The following ZNF91 variants were observed in gnomAD, a reference collection of about 807,000 sequenced individuals.
ZNF91 encodes the protein zinc finger protein 91, also known as zinc finger protein 91 (HPF7, HTF10).
A neutral mutation model predicts 12.6 loss-of-function variants in ZNF91; 7 were observed. That is an observed-to-expected ratio of 0.55 (90% confidence interval 0.31 to 1.04). The LOEUF is 1.04. Ranked by LOEUF, ZNF91 falls within the 50% of genes least tolerant of loss-of-function variation. ZNF91 has a pLI of 0.05. For synonymous variants in ZNF91, 453 were observed against 462.6 expected (o/e 0.98, Z 0.27); for missense variants, 1,217 against 1,385.4 (o/e 0.88, Z 1.93).
chr19:23,345,814 C>T (rs1439410437), intron 3 of ZNF91, among the ~76,000 whole-genome samples: 1 of 152,068 alleles, frequency 6.6e-6, no homozygotes, highest in Admixed American at 6.6e-5. Context: ...TCGTCCCCTC[C>T]TCAGGACAAT....
intron 1 of ZNF91, chr19:23,385,277 C>T (rs377312733): frequency 1.2e-5 from 6 of 490,464 alleles, no homozygotes; most frequent in South Asian, 4.1e-5. Context: ...CTGAATGTCA[C>T]GGAAAAAAAT....
downstream of ZNF91, among the ~76,000 whole-genome samples, chr19:23,336,465 T>C (rs990423357): frequency 6.6e-6 from 1 of 152,224 alleles, no homozygotes; most frequent in Non-Finnish European, 1.5e-5. Flanking sequence ...TCTTCAATTA[T>C]GCAAATGGAG....
intron 3 of ZNF91, among the ~76,000 whole-genome samples, chr19:23,352,523 A>G (rs1490834909): frequency 1.3e-5 from 2 of 152,176 alleles, no homozygotes; most frequent in Non-Finnish European, 2.9e-5. Context: ...TCTTGGAGAC[A>G]GAGCAAGACT....
chr19:23,389,420 A>C (rs1490187244), intron 1 of ZNF91, among the ~76,000 whole-genome samples: 1 of 148,692 alleles, frequency 6.7e-6, no homozygotes, highest in Non-Finnish European at 1.5e-5. Flanking sequence ...AAAAAAAAAC[A>C]CTAGGATCAA....
At chr19:23,366,054 T>A (rs1366915618) in intron 3 of ZNF91, among the ~76,000 whole-genome samples, 3 of 152,248 alleles carry the variant, frequency 2.0e-5, no homozygotes, top group Non-Finnish European at 4.4e-5. Flanking sequence ...ACCACTGTCA[T>A]CATGGCCCGT....
At chr19:23,356,516 A>T (rs975467153), downstream of ZNF91, among the ~76,000 whole-genome samples, 13 of 152,176 alleles carry the variant, frequency 8.5e-5, no homozygotes, top group African/African-American at 3.1e-4. Context: ...GTTCTCACTG[A>T]TATGTGGGAG....
At chr19:23,395,243 C>T (rs1568408824) in intron 1 of ZNF91, 82 bp downstream of exon 1, 3 of 1,545,692 alleles carry the variant, frequency 1.9e-6, no homozygotes, top group Middle Eastern at 1.7e-4. Flanking sequence ...TGAAGGAAGG[C>T]CTGAGGCTCG....
In ZNF91 at chr19:23,387,995, C is replaced by T. The variant is rs981222740; in HGVS notation, c.30+7330G>A. ...GCACAGTGGCTCATGCCTGTAATCC[C>T]AGCACTTTGGGAGGCAGAGGTGGGC... is the stretch of plus-strand genomic sequence containing the variant. On this transcript the variant is annotated intron_variant, in intron 1 of 3. Transcript: ENST00000300619. 2.0e-5 allele frequency among the ~76,000 whole-genome samples: 3 copies of T among 150,082 alleles called. No individual in the cohort carries two copies. The Admixed American group carries it at 2.0e-4, about 10-fold the overall frequency.
chr19:23,361,899 G>A lies in ZNF91; in HGVS notation c.1080C>T (p.Ser360=). ...TATGATTAGCAAGGGTTGAGGAATT[G>A]CTAAAAGCTTTGCCACATTCTTTAC... is the stretch of plus-strand genomic sequence containing the variant. The part of the protein sequence containing the change: ...YKCKECGKAF[S]NSSTLANHKI... Residue 360 remains serine (S), a synonymous_variant, in exon 4 of 4, where the codon AGC becomes AGT. Coordinates refer to ENST00000300619, the MANE Select transcript of ZNF91 (RefSeq NM_003430.4). The A allele has an allele frequency of 6.3e-7, 1 of 1,595,198 alleles. No individual in the cohort carries two copies. Among genetic ancestry groups the A allele is most frequent in the Non-Finnish European group, 8.5e-7 (1 of 1,169,624 alleles).
rs901346882 is a variant in ZNF91 at position 23,359,578 on chromosome 19, T to G, written c.3401A>C (p.Tyr1134Ser). ...GGCTTTGCCACATTTTTCACATTTGTAGGGTTTCTCTCCAGTGTGAATTAT... is the reference window on the plus strand; with the variant it reads ...GGCTTTGCCACATTTTTCACATTTGGAGGGTTTCTCTCCAGTGTGAATTAT... ...HKIIHTGEKPYKCEKCGKAFN... is the reference protein window; with the variant it reads ...HKIIHTGEKPSKCEKCGKAFN... The change falls in exon 4 of 4, where the codon TAC becomes TCC. Residue 1134 changes from tyrosine (Y) to serine (S), a missense_variant. Around this residue, in one of 2 missense-constraint regions of ZNF91, gnomAD observed 491 missense variants for 489.8 expected, o/e 1.00. Transcript: ENST00000300619. 1 of 1,613,948 alleles carries G rather than the reference T, an allele frequency of 6.2e-7. No individual in the cohort carries two copies. Among genetic ancestry groups the G allele is most frequent in the African/African-American group, 1.3e-5 (1 of 74,912 alleles).
upstream of ZNF91, among the ~76,000 whole-genome samples, chr19:23,313,133 T>C (rs1967498301): frequency 6.6e-6 from 1 of 152,222 alleles, no homozygotes; most frequent in African/African-American, 2.4e-5. Context: ...ACTCACATAC[T>C]TAGAAACAGG....
At chr19:23,336,723 G>A (rs566141300), downstream of ZNF91, among the ~76,000 whole-genome samples, 2 of 152,186 alleles carry the variant, frequency 1.3e-5, no homozygotes, top group South Asian at 2.1e-4. Context: ...CTTTACCAAG[G>A]ACTGTTTTTG....
intron 3 of ZNF91, among the ~76,000 whole-genome samples, chr19:23,305,524 TTCAA>T (rs1330681564): frequency 6.6e-6 from 1 of 152,218 alleles, no homozygotes; most frequent in Non-Finnish European, 1.5e-5. Context: ...CACTTTTGAT[TTCAA>T]TCAGTCAATT....
At chr19:23,326,525 C>T (rs1967841130) in intron 1 of ZNF91, 1 of 152,140 alleles carries the variant, frequency 6.6e-6, no homozygotes, top group Non-Finnish European at 1.5e-5. Flanking sequence ...ACAGGTTTCA[C>T]CACATTGGTC....
downstream of ZNF91, among the ~76,000 whole-genome samples, chr19:23,357,525 C>G (rs992779903): frequency 1.3e-5 from 2 of 152,184 alleles, no homozygotes; most frequent in African/African-American, 4.8e-5. Context: ...CGAACTTAAA[C>G]ACACTCCATA....
chr19:23,368,510 ATCTCTCTCTCTCTCTCTC>A lies in ZNF91; in HGVS notation c.253+5214_253+5231del, dbSNP rs573590418. 1.2e-3 allele frequency among the ~76,000 whole-genome samples: 111 copies of A among 94,308 alleles called. 2 individuals carry two copies. The highest frequency in any genetic ancestry group is 2.4e-3 in the African/African-American group (62 of 25,346). The allele number at this position is 94,308 out of a possible 152,430, so 61.9% of individuals were successfully genotyped here. Reference sequence around the variant, plus strand: ...AGCCTGGGTGACAGAGCGAAACTCCATCTCTCTCTCTCTCTCTCTCTCTCTCTCTCTCTCTCTCTCTCT... The same window carrying A: ...AGCCTGGGTGACAGAGCGAAACTCCATCTCTCTCTCTCTCTCTCTCTCTCT... On this transcript the variant is annotated intron_variant, in intron 3 of 3. Coordinates refer to ENST00000300619, the MANE Select transcript of ZNF91 (RefSeq NM_003430.4).
downstream of ZNF91, among the ~76,000 whole-genome samples, chr19:23,337,548 A>C (rs1401623607): frequency 6.6e-6 from 1 of 152,044 alleles, no homozygotes; most frequent in African/African-American, 2.4e-5. Context: ...AGATGTGCAG[A>C]AATCAATATA....
intron 1 of ZNF91, among the ~76,000 whole-genome samples, chr19:23,379,130 T>C (rs1473889938): frequency 1.3e-5 from 2 of 152,224 alleles, no homozygotes; most frequent in Non-Finnish European, 2.9e-5. Context: ...GCATTTCCAG[T>C]GACCCTGGGC....
chr19:23,388,988 C>G (rs560144615), intron 1 of ZNF91, among the ~76,000 whole-genome samples: 2 of 152,022 alleles, frequency 1.3e-5, no homozygotes, highest in African/African-American at 2.4e-5. Context: ...CAGACACTGA[C>G]GCCTAGTTGA....
Sources: gnomAD v4.1 joint callset for allele counts (sites outside exome capture counted in the v4.1 genomes callset) on GRCh38, gnomAD v4.1.1 for gene constraint, gnomAD v4.1.1 regional missense constraint, MANE v1.5 for transcripts, NCBI Gene and HGNC (gene_info 2026-07-23, HGNC 2026-07-21) for gene names.